IMMP2L: variants seen among roughly 807,000 people sequenced by gnomAD.
IMMP2L encodes the protein inner mitochondrial membrane peptidase subunit 2, also known as mitochondrial inner membrane protease subunit 2.
In IMMP2L, 18 loss-of-function variants were observed where a neutral mutation model predicts 19.3. The ratio of observed to expected loss-of-function variants is 0.93; its 90% CI spans 0.64 to 1.38. The LOEUF is 1.38. IMMP2L is among the 40% of genes most tolerant of loss of function. The pLI is 0.00. For synonymous variants in IMMP2L, 76 were observed against 73.0 expected (o/e 1.04, Z -0.21); for missense variants, 233 against 218.2 (o/e 1.07, Z -0.43).
chr7:111,344,513 C>T (rs1827342766), intron 3 of IMMP2L, among the ~76,000 whole-genome samples: 1 of 152,092 alleles, frequency 6.6e-6, no homozygotes, highest in Non-Finnish European at 1.5e-5. Flanking sequence ...CAGCATATTC[C>T]CAATAGATAG....
chr7:110,869,080 C>T (rs799623), intron 5 of IMMP2L, among the ~76,000 whole-genome samples: 92,413 of 151,900 alleles, frequency 0.61, 29,997 homozygotes, highest in East Asian at 0.84. Flanking sequence ...GTTTCTTCAG[C>T]TTTTACTTGG....
chr7:111,302,516 G>A (rs1327018001), intron 3 of IMMP2L, among the ~76,000 whole-genome samples: 2 of 152,130 alleles, frequency 1.3e-5, no homozygotes, highest in Non-Finnish European at 2.9e-5. Flanking sequence ...GTGTGTGTGT[G>A]TGCAGGCACA....
At position 111,020,276 on chromosome 7, in the gene IMMP2L, C is replaced by T. The variant is rs145543712; in HGVS notation, c.240-56711G>A. Among the ~76,000 whole-genome samples the T allele has an allele frequency of 2.7e-3, 415 of 151,834 alleles. 1 individual carries two copies. Among genetic ancestry groups the T allele is most frequent in the African/African-American group, 9.4e-3 (391 of 41,418 alleles). On this transcript the variant is annotated intron_variant, in intron 3 of 5. Coordinates refer to ENST00000405709, the MANE Select transcript of IMMP2L (RefSeq NM_032549.4). ...GCTTATGCCTGTAATCCCAGCTACT[C>T]GGGAGGCTGAGACAGAAGAATTGCT...
At chr7:110,956,972 A>G (rs1021287207) in intron 4 of IMMP2L, among the ~76,000 whole-genome samples, 1 of 152,038 alleles carries the variant, frequency 6.6e-6, no homozygotes, top group African/African-American at 2.4e-5. Flanking sequence ...TTAATAAGAA[A>G]AAGCAATTAA....
At chr7:110,868,841 T>C (rs1808264335) in intron 5 of IMMP2L, among the ~76,000 whole-genome samples, 1 of 151,932 alleles carries the variant, frequency 6.6e-6, no homozygotes, top group Non-Finnish European at 1.5e-5. Context: ...AATTTCTTGT[T>C]CTGGAAAACA....
At chr7:110,679,557 AGC>A (rs1405323407) in intron 5 of IMMP2L, among the ~76,000 whole-genome samples, 1 of 147,816 alleles carries the variant, frequency 6.8e-6, no homozygotes, top group African/African-American at 2.5e-5. Flanking sequence ...CTGGGCAGGC[AGC>A]CACCGAGACA....
At chr7:111,421,259 GT>G (rs1427366153) in intron 3 of IMMP2L, among the ~76,000 whole-genome samples, 2 of 134,928 alleles carry the variant, frequency 1.5e-5, no homozygotes, top group African/African-American at 5.7e-5. Flanking sequence ...GGGGTTGTTT[GT>G]TTTTTTCTTT....
chr7:111,363,222 C>A (rs1188099856), intron 3 of IMMP2L, among the ~76,000 whole-genome samples: 1 of 151,980 alleles, frequency 6.6e-6, no homozygotes, highest in Non-Finnish European at 1.5e-5. Context: ...GCTCTAAATC[C>A]TTGCTACTCA....
At chr7:110,771,493 C>T (rs1170658577) in intron 5 of IMMP2L, among the ~76,000 whole-genome samples, 1 of 152,156 alleles carries the variant, frequency 6.6e-6, no homozygotes, top group East Asian at 1.9e-4. Flanking sequence ...AGCTTTGCCA[C>T]TTTCAGCTGT....
At chr7:110,813,573 G>A (rs184083917) in intron 5 of IMMP2L, among the ~76,000 whole-genome samples, 27 of 151,722 alleles carry the variant, frequency 1.8e-4, no homozygotes, top group African/African-American at 6.0e-4. Context: ...GACTACAGAC[G>A]CATGCCACCA....
chr7:111,174,838 A>G (rs926226007), intron 3 of IMMP2L, among the ~76,000 whole-genome samples: 1 of 151,818 alleles, frequency 6.6e-6, no homozygotes, highest in Non-Finnish European at 1.5e-5. Flanking sequence ...GGCAGAAGAG[A>G]TATACATATA....
At chr7:111,487,633 A>G (rs1842765182) in intron 2 of IMMP2L, among the ~76,000 whole-genome samples, 1 of 152,182 alleles carries the variant, frequency 6.6e-6, no homozygotes, top group Non-Finnish European at 1.5e-5. Flanking sequence ...CCTTAAGAAT[A>G]ATATAAAAAC....
At chr7:110,691,097 GT>G (rs1289182318) in intron 5 of IMMP2L, among the ~76,000 whole-genome samples, 1 of 151,934 alleles carries the variant, frequency 6.6e-6, no homozygotes, top group Non-Finnish European at 1.5e-5. Flanking sequence ...TAACCTTGTA[GT>G]AGGTACTTGT....
At position 111,195,174 on chromosome 7, in the gene IMMP2L, C is replaced by G. The variant is rs1164249248; in HGVS notation, c.240-231609G>C. Reference sequence around the variant, plus strand: ...TTCCATTTATATTTACATAAAATTACAAAGATTTTAAGTTTATTGGATTAT... The same window carrying G: ...TTCCATTTATATTTACATAAAATTAGAAAGATTTTAAGTTTATTGGATTAT... On this transcript the variant is annotated intron_variant, in intron 3 of 5. Coordinates refer to ENST00000405709, the MANE Select transcript of IMMP2L (RefSeq NM_032549.4). Among the ~76,000 whole-genome samples, 3 of 151,856 alleles carry G rather than the reference C, an allele frequency of 2.0e-5. 1 individual carries two copies. The highest frequency in any genetic ancestry group is 7.3e-5 in the African/African-American group (3 of 41,342).
intron 2 of IMMP2L, among the ~76,000 whole-genome samples, chr7:111,510,349 T>C (rs964627353): frequency 6.6e-6 from 1 of 152,164 alleles, no homozygotes; most frequent in Non-Finnish European, 1.5e-5. Context: ...TGTCCTCAAC[T>C]GGATCCTCTG....
chr7:110,681,527 C>T, intron 5 of IMMP2L, among the ~76,000 whole-genome samples: 1 of 152,094 alleles, frequency 6.6e-6, no homozygotes, highest in Non-Finnish European at 1.5e-5. Context: ...CTGAGGGCAA[C>T]AAGAAAACTA....
intron 3 of IMMP2L, among the ~76,000 whole-genome samples, chr7:111,044,169 G>C (rs1436198844): frequency 2.0e-5 from 3 of 152,136 alleles, no homozygotes; most frequent in African/African-American, 7.2e-5. Flanking sequence ...ACATTATATA[G>C]AGTCTCACCT....
In IMMP2L at chr7:111,230,811, A is replaced by G. The variant is rs919174052; in HGVS notation, c.239+256427T>C. Among the ~76,000 whole-genome samples, 8 of 152,200 alleles carry G rather than the reference A, an allele frequency of 5.3e-5. 1 individual carries two copies. In the South Asian group the frequency reaches 1.4e-3, roughly 28 times the overall value. On this transcript the variant is annotated intron_variant, in intron 3 of 5. Transcript: ENST00000405709. ...AATTACAAACTGAGATATGATCTAA[A>G]GAAAGGAAGCACAGATATGGGAATA...
chr7:111,098,409 C>A (rs1480420252), intron 3 of IMMP2L, among the ~76,000 whole-genome samples: 2 of 151,698 alleles, frequency 1.3e-5, no homozygotes, highest in East Asian at 3.9e-4. Flanking sequence ...ATATCAAAGT[C>A]TCATTTTTAT....
Sources: gnomAD v4.1 joint callset for allele counts (sites outside exome capture counted in the v4.1 genomes callset) on GRCh38, gnomAD v4.1.1 for gene constraint, MANE v1.5 for transcripts, NCBI Gene and HGNC (gene_info 2026-07-23, HGNC 2026-07-21) for gene names.